The following GIPR variants were observed in gnomAD, a reference collection of about 807,000 sequenced individuals.
The protein encoded by GIPR is GIP-R.
GIPR carries 74 observed loss-of-function variants against 62.2 expected under a neutral mutation model. The observed-to-expected ratio is 1.19, with a 90% CI of 0.99 to 1.44. GIPR has a LOEUF of 1.44. Among genes scored for constraint, GIPR ranks in the 40% most tolerant of loss-of-function variants. The pLI is 0.00. For synonymous variants in GIPR, 256 were observed against 262.2 expected (o/e 0.98, Z 0.23); for missense variants, 664 against 611.8 (o/e 1.09, Z -0.90).
At chr19:45,669,955 G>A (rs192689941) in intron 2 of GIPR, among the ~76,000 whole-genome samples, 2 of 150,820 alleles carry the variant, frequency 1.3e-5, no homozygotes, top group Non-Finnish European at 3.0e-5. Context: ...TCTCGGGGTG[G>A]GGGGGGGAGG....
At chr19:45,675,879 G>C (rs1975823883) in intron 7 of GIPR, among the ~76,000 whole-genome samples, 1 of 151,474 alleles carries the variant, frequency 6.6e-6, no homozygotes, top group African/African-American at 2.4e-5. Context: ...GAAAGATTGA[G>C]ACCCTGTTTC....
At position 45,682,198 on chromosome 19, in the gene GIPR, A is replaced by G; in HGVS notation, c.*263A>G. The stretch of plus-strand genomic sequence containing the variant: ...GGCGTCTCCAAGGAGGTGACACTTA[A>G]GCCATCCCCGAAAGAGGTGAAAGAG... On this transcript the variant is annotated 3_prime_UTR_variant, in exon 14 of 14. Coordinates refer to ENST00000590918, the MANE Select transcript of GIPR (RefSeq NM_000164.4). 2.0e-6 allele frequency: 1 copy of G among 508,592 alleles called. No homozygotes were observed. Among genetic ancestry groups the G allele is most frequent in the Non-Finnish European group, 3.5e-6 (1 of 287,604 alleles). The allele number at this position is 508,592 out of a possible 1,614,324, so 31.5% of individuals were successfully genotyped here.
In GIPR at chr19:45,678,108, C is replaced by A; in HGVS notation, c.1034C>A (p.Thr345Lys). 6.2e-7 allele frequency: 1 copy of A among 1,612,756 alleles called. No homozygotes were observed. Among genetic ancestry groups the A allele is most frequent in the East Asian group, 2.2e-5 (1 of 44,830 alleles). ...CCCAGGCTGGCTCGCTCCACGCTGACGCTGGTGCCCCTGCTGGGTGTCCAC... is the reference window on the plus strand; with the variant it reads ...CCCAGGCTGGCTCGCTCCACGCTGAAGCTGGTGCCCCTGCTGGGTGTCCAC... ...YRLRLARSTL[T>K]LVPLLGVHEV... The change falls in exon 12 of 14, where the codon ACG becomes AAG. Residue 345 changes from threonine (T) to lysine (K), a missense_variant. Transcript: ENST00000590918.
At chr19:45,668,713 C>T (rs551558331) in intron 1 of GIPR, among the ~76,000 whole-genome samples, 1 of 152,264 alleles carries the variant, frequency 6.6e-6, no homozygotes, top group African/African-American at 2.4e-5. Context: ...CTGCTTCCGT[C>T]TTTCTCTACG....
rs754923594 is a variant in GIPR, at chr19:45,677,358, G to T, written c.829G>T (p.Val277Phe). The part of the protein sequence containing the change: ...PALFVIPWVI[V>F]RYLYENTQCW... ...GCTTTTCGTCATTCCCTGGGTGATCGTCAGGTACCTGTACGAGAACACGCA... is the reference window on the plus strand; with the variant it reads ...GCTTTTCGTCATTCCCTGGGTGATCTTCAGGTACCTGTACGAGAACACGCA... The change falls in exon 9 of 14, where the codon GTC (valine) becomes TTC (phenylalanine). Residue 277 changes from valine (V) to phenylalanine (F), a missense_variant. Coordinates refer to ENST00000590918, the MANE Select transcript of GIPR (RefSeq NM_000164.4). The T allele has an allele frequency of 1.9e-6, 3 of 1,601,902 alleles. No individual in the cohort carries two copies. Among genetic ancestry groups the T allele is most frequent in the Non-Finnish European group, 2.6e-6 (3 of 1,171,762 alleles).
At position 45,682,133 on chromosome 19, in the gene GIPR, T is replaced by C. The variant is rs1018937367; in HGVS notation, c.*198T>C. ...AGTTCCACACACGCTATGGAATGGT[T>C]ATGAAGGGAAGCGAGAAGGGGGCCT... is the stretch of plus-strand genomic sequence containing the variant. On this transcript the variant is annotated 3_prime_UTR_variant, in exon 14 of 14. Transcript: ENST00000590918. 4 of 611,746 alleles carry C rather than the reference T, an allele frequency of 6.5e-6. No homozygotes were observed. In the African/African-American group the frequency reaches 7.7e-5, roughly 12 times the overall value. 37.9% of individuals were successfully genotyped at this position (611,746 alleles called of 1,614,324 possible).
chr19:45,681,340 C>T (rs1403690523), intron 12 of GIPR, among the ~76,000 whole-genome samples: 1 of 152,044 alleles, frequency 6.6e-6, no homozygotes, highest in Middle Eastern at 3.4e-3. Flanking sequence ...ACTAAAAATA[C>T]AAAAATTAGC....
chr19:45,669,142 T>C (rs967562397), intron 1 of GIPR, among the ~76,000 whole-genome samples: 1 of 151,320 alleles, frequency 6.6e-6, no homozygotes, highest in Non-Finnish European at 1.5e-5. Context: ...CAGACTTCGG[T>C]GACACTGACA....
At chr19:45,674,243 T>C (rs1370908761) in intron 6 of GIPR, 66 bp downstream of exon 6, 1 of 1,020,890 alleles carries the variant, frequency 9.8e-7, no homozygotes, top group Non-Finnish European at 1.6e-6. Context: ...TCCAGTAAGA[T>C]GGGGTGGTCT....
intron 5 of GIPR, among the ~76,000 whole-genome samples, chr19:45,673,863 CAA>C (rs35790297): frequency 6.9e-6 from 1 of 144,656 alleles, no homozygotes. Context: ...GACCATGTCT[CAA>C]AAAAAAAAAA....
At chr19:45,669,268 C>T (rs1194312141) in intron 1 of GIPR, among the ~76,000 whole-genome samples, 1 of 152,200 alleles carries the variant, frequency 6.6e-6, no homozygotes, top group Non-Finnish European at 1.5e-5. Flanking sequence ...GGGGCCCCGC[C>T]CACCACCGGA....
chr19:45,670,368 T>C (rs1429232753), intron 2 of GIPR: 35 of 409,852 alleles, frequency 8.5e-5, no homozygotes, highest in Non-Finnish European at 3.6e-5. Flanking sequence ...CCACTCCCTT[T>C]TCTTCCCCCA....
intron 1 of GIPR, among the ~76,000 whole-genome samples, chr19:45,669,095 C>T (rs1459854074): frequency 6.9e-6 from 1 of 145,796 alleles, no homozygotes; most frequent in African/African-American, 2.6e-5. Context: ...CCCCTCCTCT[C>T]CAAGGCGGTC....
At chr19:45,678,028 G>C (rs941120129) in intron 11 of GIPR, 34 bp downstream of exon 11, 1 of 1,612,056 alleles carries the variant, frequency 6.2e-7, no homozygotes, top group South Asian at 1.1e-5. Flanking sequence ...AGGGGAAGGG[G>C]CCGGGTGCGA....
intron 9 of GIPR, 82 bp downstream of exon 9, chr19:45,677,465 C>T: frequency 9.6e-7 from 1 of 1,045,746 alleles, no homozygotes; most frequent in Non-Finnish European, 1.5e-6. Flanking sequence ...GACATGTGGG[C>T]AGGGTCGGAA....
chr19:45,673,249 G>A (rs555706493), intron 5 of GIPR, among the ~76,000 whole-genome samples: 1 of 151,392 alleles, frequency 6.6e-6, no homozygotes. Context: ...TCAAAACCCC[G>A]TCTTTACTAA....
chr19:45,674,173 T>C lies in GIPR; in HGVS notation c.484T>C (p.Phe162Leu). The change falls in exon 6 of 14, where the codon TTC becomes CTC. Residue 162 changes from phenylalanine to leucine, a missense_variant. Coordinates refer to ENST00000590918, the MANE Select transcript of GIPR (RefSeq NM_000164.4). ...LLLALLILSL[F>L]RRLHCTRNYI... Reference sequence around the variant, plus strand: ...GCTAGCCCTGCTCATCTTGAGTTTGTTCAGGTGGGACCTTAACCCTGAGTG... The same window carrying C: ...GCTAGCCCTGCTCATCTTGAGTTTGCTCAGGTGGGACCTTAACCCTGAGTG... 6.2e-7 allele frequency: 1 copy of C among 1,606,904 alleles called. No homozygotes were observed. Among genetic ancestry groups the C allele is most frequent in the Admixed American group, 1.7e-5 (1 of 59,990 alleles).
intron 4 of GIPR, among the ~76,000 whole-genome samples, chr19:45,671,638 C>T (rs982350061): frequency 5.9e-5 from 9 of 152,164 alleles, no homozygotes; most frequent in Non-Finnish European, 1.0e-4. Flanking sequence ...CTCGCTCTAT[C>T]GCCCAGGCTG....
In GIPR at chr19:45,674,766, C is replaced by A. The variant is rs201212950; in HGVS notation, c.573C>A (p.Asp191Glu). 6.2e-7 allele frequency: 1 copy of A among 1,613,928 alleles called. No homozygotes were observed. The highest frequency in any genetic ancestry group is 2.2e-5 in the East Asian group (1 of 44,862). Residue 191 changes from aspartate (D) to glutamate (E), a missense_variant, in exon 7 of 14, where the codon GAC becomes GAA. Asp to Glu is a conservative substitution (Grantham distance 45). Coordinates refer to ENST00000590918, the MANE Select transcript of GIPR (RefSeq NM_000164.4). ...MLRAAAILSR[D>E]RLLPRPGPYL... Reference sequence around the variant, plus strand: ...GAGCTGCGGCCATTCTCAGCCGAGACCGTCTGCTACCTCGACCTGGCCCCT... The same window carrying A: ...GAGCTGCGGCCATTCTCAGCCGAGAACGTCTGCTACCTCGACCTGGCCCCT...
Sources: allele counts gnomAD v4.1 joint callset (sites outside exome capture counted in the v4.1 genomes callset), GRCh38; gene constraint gnomAD v4.1.1; transcripts MANE v1.5; gene names NCBI Gene and HGNC (gene_info 2026-07-23, HGNC 2026-07-21).